Variants in CRYBG1 observed in about 807,000 individuals in gnomAD.
The protein encoded by CRYBG1 is beta/gamma crystallin domain-containing protein 1.
Under a neutral mutation model 189.2 loss-of-function variants are expected in CRYBG1, and 139 were observed. The ratio of observed to expected loss-of-function variants is 0.73; its 90% confidence interval spans 0.64 to 0.85. The LOEUF (loss-of-function observed/expected upper bound fraction) is 0.85. CRYBG1 is among the 40% of genes least tolerant of loss of function. CRYBG1 has a pLI of 0.00. For synonymous variants in CRYBG1, 1,023 were observed against 1,017.1 expected (o/e 1.01, Z -0.11); for missense variants, 2,611 against 2,675.8 (o/e 0.98, Z 0.53).
chr6:106,499,626 G>T (rs1447965010), intron 2 of CRYBG1, among the ~76,000 whole-genome samples: 1 of 151,776 alleles, frequency 6.6e-6, no homozygotes, highest in Non-Finnish European at 1.5e-5. Flanking sequence ...TGAAATTATT[G>T]TATCCAGAAA....
At position 106,543,537 on chromosome 6, in the gene CRYBG1, C is replaced by T. The variant is rs572684440; in HGVS notation, c.4979C>T (p.Ala1660Val). The change falls in exon 11 of 22, where the codon GCG (alanine) becomes GTG (valine). Residue 1660 changes from alanine (A) to valine (V), a missense_variant. By Grantham distance (64) the Ala-to-Val change is moderately conservative. Coordinates refer to ENST00000633556, the MANE Select transcript of CRYBG1 (RefSeq NM_001371242.2). ...FVMEGGETEE[A>V]TGDDHLPFTS... ...ATGGAGGGAGGTGAAACAGAAGAGG[C>T]GACTGGAGACGATCATTTGCCGTTT... 1.9e-5 allele frequency: 30 copies of T among 1,613,988 alleles called. No individual in the cohort carries two copies. In the East Asian group the frequency reaches 4.5e-4, roughly 24 times the overall value.
intron 2 of CRYBG1, among the ~76,000 whole-genome samples, chr6:106,455,155 T>A (rs1489236748): frequency 6.6e-6 from 1 of 152,206 alleles, no homozygotes; most frequent in African/African-American, 2.4e-5. Context: ...AATATTTAGT[T>A]GGCTTTAGCG....
At position 106,563,787 on chromosome 6, in the gene CRYBG1, G is replaced by A. The variant is rs921563353; in HGVS notation, c.6162G>A (p.Thr2054=). ...KCRIAEDCCL[T]IVGSLVTSGS... Reference sequence around the variant, plus strand: ...AGATAGCAGAAGACTGCTGCCTGACGATTGTGGGCAGCCTGGTAACATCTG... The same window carrying A: ...AGATAGCAGAAGACTGCTGCCTGACAATTGTGGGCAGCCTGGTAACATCTG... The change falls in exon 21 of 22, where the codon ACG becomes ACA. Residue 2054 remains threonine, a synonymous_variant. Transcript: ENST00000633556. 10 of 1,608,046 alleles carry A rather than the reference G, an allele frequency of 6.2e-6. No homozygotes were observed. The highest frequency in any genetic ancestry group is 2.7e-5 in the African/African-American group (2 of 74,828).
At chr6:106,567,980 C>T (rs1411534551) in intron 21 of CRYBG1, among the ~76,000 whole-genome samples, 2 of 151,848 alleles carry the variant, frequency 1.3e-5, no homozygotes, top group Non-Finnish European at 2.9e-5. Flanking sequence ...CTAATACAGC[C>T]CGTTTTCATT....
chr6:106,478,519 A>C (rs1228261927), intron 2 of CRYBG1, among the ~76,000 whole-genome samples: 1 of 152,344 alleles, frequency 6.6e-6, no homozygotes, highest in East Asian at 1.9e-4. Context: ...AATCAATGGA[A>C]AGTGTGTCCA....
intron 2 of CRYBG1, among the ~76,000 whole-genome samples, chr6:106,453,260 CTTATATT>C (rs933100236): frequency 6.6e-6 from 1 of 152,064 alleles, no homozygotes; most frequent in Non-Finnish European, 1.5e-5. Flanking sequence ...AGATTATTAG[CTTATATT>C]TTATATTTCA....
intron 15 of CRYBG1, 109 bp downstream of exon 15, chr6:106,552,325 C>T (rs1182206020): frequency 9.4e-6 from 7 of 747,802 alleles, no homozygotes; most frequent in Non-Finnish European, 1.4e-5. Context: ...GTGGCTCACG[C>T]CTGTAATCCC....
chr6:106,500,877 C>T (rs1374916659), intron 2 of CRYBG1, among the ~76,000 whole-genome samples: 1 of 152,150 alleles, frequency 6.6e-6, no homozygotes, highest in Admixed American at 6.6e-5. Flanking sequence ...GAGAATAAGG[C>T]TAGAGACAGG....
intron 2 of CRYBG1, among the ~76,000 whole-genome samples, chr6:106,505,763 T>G (rs1260852642): frequency 6.6e-6 from 1 of 152,092 alleles, no homozygotes; most frequent in Non-Finnish European, 1.5e-5. Flanking sequence ...GAAAAAAAGT[T>G]GCTCACTAGC....
At chr6:106,539,855 G>A (rs2114568033) in intron 9 of CRYBG1, among the ~76,000 whole-genome samples, 1 of 152,316 alleles carries the variant, frequency 6.6e-6, no homozygotes, top group Middle Eastern at 3.4e-3. Flanking sequence ...TGGAAAAACA[G>A]GACAAAGATA....
chr6:106,379,887 T>G lies in CRYBG1; in HGVS notation c.173+18806T>G, dbSNP rs116404823. Among the ~76,000 whole-genome samples the G allele has an allele frequency of 8.2e-3, 1,250 of 152,332 alleles. 16 individuals are homozygous for G. Among genetic ancestry groups the G allele is most frequent in the African/African-American group, 0.028 (1,178 of 41,574 alleles). On this transcript the variant is annotated intron_variant, in intron 1 of 21. Transcript: ENST00000633556. ...GCCTACCATGCTCAGCCATGATTTT[T>G]ACATTCTAATTACAGATCACACTAA... is the stretch of plus-strand genomic sequence containing the variant.
In CRYBG1 at chr6:106,360,963, C is replaced by A; in HGVS notation, c.55C>A (p.Pro19Thr). Residue 19 changes from proline (P) to threonine (T), a missense_variant, in exon 1 of 22, where the codon CCC (proline) becomes ACC (threonine). By Grantham distance (38) the Pro-to-Thr change is conservative. Coordinates refer to ENST00000633556, the MANE Select transcript of CRYBG1 (RefSeq NM_001371242.2). ...GDPGEPSPCR[P>T]PKKHTTFHLW... ...CCCCGGGGAGCCCAGCCCGTGCAGG[C>A]CCCCTAAGAAGCACACCACCTTCCA... is the stretch of plus-strand genomic sequence containing the variant. The A allele has an allele frequency of 6.5e-7, 1 of 1,535,222 alleles. No individual in the cohort carries two copies. Among genetic ancestry groups the A allele is most frequent in the Non-Finnish European group, 8.7e-7 (1 of 1,146,552 alleles).
chr6:106,452,366 T>C (rs1247106335), intron 2 of CRYBG1, among the ~76,000 whole-genome samples: 1 of 147,076 alleles, frequency 6.8e-6, no homozygotes, highest in Non-Finnish European at 1.5e-5. Context: ...GAGGTTGTGG[T>C]GGAGCTGAGA....
intron 1 of CRYBG1, among the ~76,000 whole-genome samples, chr6:106,413,974 A>T (rs944704212): frequency 2.0e-5 from 3 of 152,122 alleles, no homozygotes; most frequent in Admixed American, 1.3e-4. Context: ...AGAGTTGCTG[A>T]TGTTTCTTCT....
intron 1 of CRYBG1, among the ~76,000 whole-genome samples, chr6:106,390,028 T>C (rs887578704): frequency 6.6e-6 from 1 of 152,192 alleles, no homozygotes; most frequent in Admixed American, 6.5e-5. Flanking sequence ...CTGATTTTAA[T>C]TGGAAATAAT....
At chr6:106,545,636 C>T (rs1019202715) in intron 13 of CRYBG1, among the ~76,000 whole-genome samples, 2 of 152,122 alleles carry the variant, frequency 1.3e-5, no homozygotes, top group Non-Finnish European at 2.9e-5. Context: ...TTTAGGTAGG[C>T]CTTTTGCATT....
Position 106,511,902 on chromosome 6 carries a change from C to G in CRYBG1, c.785C>G (p.Ser262Cys). ...AKQLHSSPGN[S>C]SRQENAETPA... is the part of the protein sequence containing the mutation. ...CAGCTGCATTCCTCGCCGGGAAATT[C>G]CTCCAGGCAAGAGAACGCAGAGACG... Residue 262 changes from serine to cysteine, a missense_variant, in exon 3 of 22, where the codon TCC becomes TGC. By Grantham distance (112) the Ser-to-Cys change is moderately radical (BLOSUM62 -1). Around this residue, in one of 3 missense-constraint regions of CRYBG1, gnomAD observed 985 missense variants for 924.4 expected, o/e 1.07. Coordinates refer to ENST00000633556, the MANE Select transcript of CRYBG1 (RefSeq NM_001371242.2). 1 of 1,523,558 alleles carries G rather than the reference C, an allele frequency of 6.6e-7. No individual in the cohort carries two copies. The highest frequency in any genetic ancestry group is 1.2e-5 in the South Asian group (1 of 82,918). The allele number at this position is 1,523,558 out of a possible 1,614,324, so 94.4% of individuals were successfully genotyped here. A position where few individuals can be genotyped will look rare whatever the true frequency, so the allele number is the denominator to read the frequency against.
At chr6:106,564,992 G>C (rs1362813074) in intron 21 of CRYBG1, among the ~76,000 whole-genome samples, 245 of 152,078 alleles carry the variant, frequency 1.6e-3, no homozygotes, top group African/African-American at 5.8e-3. Flanking sequence ...TTTAATCAGG[G>C]ATTTAGGCCA....
rs180877886 is a variant in CRYBG1, at chr6:106,383,195, C to A, written c.173+22114C>A. 3.3e-5 allele frequency among the ~76,000 whole-genome samples: 5 copies of A among 152,152 alleles called. No homozygotes were observed. The East Asian group carries it at 9.6e-4, about 29-fold the overall frequency. On this transcript the variant is annotated intron_variant, in intron 1 of 21. Transcript: ENST00000633556. ...GTATTTCTCAAAATGTGTTAAATATCCAAATCAAAATCACTCAGGTGTAAA... is the reference window on the plus strand; with the variant it reads ...GTATTTCTCAAAATGTGTTAAATATACAAATCAAAATCACTCAGGTGTAAA...
Sources: allele counts gnomAD v4.1 joint callset (sites outside exome capture counted in the v4.1 genomes callset), GRCh38; gene constraint gnomAD v4.1.1; regional missense constraint gnomAD v4.1.1; transcripts MANE v1.5; gene names NCBI Gene and HGNC (gene_info 2026-07-23, HGNC 2026-07-21).